The following FHIT variants were observed in gnomAD, a reference collection of about 807,000 sequenced individuals.
FHIT encodes fragile histidine triad diadenosine triphosphatase.
FHIT carries 19 observed loss-of-function variants against 17.9 expected under a neutral mutation model. The observed-to-expected ratio is 1.06, with a 90% confidence interval of 0.74 to 1.56. FHIT has a LOEUF of 1.56. Ranked by LOEUF, FHIT falls within the 40% of genes most tolerant of loss-of-function variation. FHIT has a pLI of 0.00. For synonymous variants in FHIT, 81 were observed against 69.7 expected (o/e 1.16, Z -0.81); for missense variants, 248 against 189.2 (o/e 1.31, Z -1.82).
chr3:60,844,478 C>T (rs1268531393), intron 3 of FHIT, among the ~76,000 whole-genome samples: 4 of 151,988 alleles, frequency 2.6e-5, no homozygotes, highest in African/African-American at 9.7e-5. Flanking sequence ...TAAGACTTCC[C>T]CAGAATGTGA....
chr3:59,939,330 A>G (rs985801876), intron 7 of FHIT, among the ~76,000 whole-genome samples: 3 of 152,144 alleles, frequency 2.0e-5, no homozygotes, highest in African/African-American at 7.2e-5. Flanking sequence ...GACACACTGC[A>G]TCATACCATT....
At chr3:59,845,395 T>TA (rs1701682206) in intron 8 of FHIT, among the ~76,000 whole-genome samples, 1 of 152,126 alleles carries the variant, frequency 6.6e-6, no homozygotes. Flanking sequence ...GTCTTATTTT[T>TA]AAATATAAGT....
chr3:59,812,129 G>C (rs1700428558), intron 8 of FHIT, among the ~76,000 whole-genome samples: 1 of 152,146 alleles, frequency 6.6e-6, no homozygotes, highest in Non-Finnish European at 1.5e-5. Flanking sequence ...CTGGCATCTA[G>C]TGAGCAGAGA....
intron 4 of FHIT, among the ~76,000 whole-genome samples, chr3:60,714,566 G>C (rs2041630310): frequency 6.6e-6 from 1 of 152,170 alleles, no homozygotes; most frequent in African/African-American, 2.4e-5. Context: ...TCCTTAAGCT[G>C]ATAAGCAACT....
intron 4 of FHIT, among the ~76,000 whole-genome samples, chr3:60,633,731 G>A (rs981937706): frequency 3.9e-5 from 6 of 152,160 alleles, no homozygotes; most frequent in Non-Finnish European, 5.9e-5. Context: ...AGCCTCCCCA[G>A]GAACACAGTT....
At chr3:60,950,908 T>C (rs1708857829) in intron 3 of FHIT, among the ~76,000 whole-genome samples, 1 of 152,090 alleles carries the variant, frequency 6.6e-6, no homozygotes, top group Non-Finnish European at 1.5e-5. Flanking sequence ...ATCTTTCCAA[T>C]CTAAACATAA....
At chr3:60,192,553 C>T (rs1467842988) in intron 5 of FHIT, among the ~76,000 whole-genome samples, 1 of 152,152 alleles carries the variant, frequency 6.6e-6, no homozygotes, top group Non-Finnish European at 1.5e-5. Context: ...GAACAATCAA[C>T]ACAGAGATTG....
At chr3:59,934,965 G>C (rs997934472) in intron 7 of FHIT, among the ~76,000 whole-genome samples, 1 of 152,090 alleles carries the variant, frequency 6.6e-6, no homozygotes, top group Admixed American at 6.6e-5. Context: ...ACTGCCTCTA[G>C]AGAAGTTGAC....
intron 1 of FHIT, among the ~76,000 whole-genome samples, chr3:61,204,727 G>A (rs1326289983): frequency 6.6e-6 from 1 of 152,068 alleles, no homozygotes; most frequent in Non-Finnish European, 1.5e-5. Flanking sequence ...ACACACCACG[G>A]AAATAGGAAC....
At chr3:60,772,324 A>C (rs1575504989) in intron 4 of FHIT, among the ~76,000 whole-genome samples, 1 of 2,404 alleles carries the variant, frequency 4.2e-4, no homozygotes, top group African/African-American at 1.3e-3. Flanking sequence ...CTATATATAT[A>C]TATATATATA....
chr3:60,707,119 G>C (rs1001880948), intron 4 of FHIT, among the ~76,000 whole-genome samples: 1 of 152,142 alleles, frequency 6.6e-6, no homozygotes, highest in Admixed American at 6.5e-5. Context: ...GGCATGACTG[G>C]CACCTCTGCG....
At chr3:59,945,403 T>C (rs770482087) in intron 7 of FHIT, among the ~76,000 whole-genome samples, 2 of 152,180 alleles carry the variant, frequency 1.3e-5, no homozygotes, top group Non-Finnish European at 2.9e-5. Context: ...AAATTCCTTA[T>C]AGAGTCTGAA....
chr3:60,552,642 G>A (rs549815519), intron 4 of FHIT, among the ~76,000 whole-genome samples: 7 of 152,066 alleles, frequency 4.6e-5, no homozygotes, highest in South Asian at 2.1e-4. Flanking sequence ...TGCCAACTTG[G>A]TAAGTATTTA....
intron 4 of FHIT, among the ~76,000 whole-genome samples, chr3:60,676,218 T>A (rs2040617888): frequency 6.6e-6 from 1 of 152,218 alleles, no homozygotes; most frequent in African/African-American, 2.4e-5. Context: ...CAAAGTGGTA[T>A]AATTTATTTT....
intron 4 of FHIT, among the ~76,000 whole-genome samples, chr3:60,772,652 A>G (rs9842721): frequency 3.9e-5 from 6 of 151,964 alleles, no homozygotes; most frequent in African/African-American, 9.7e-5. Flanking sequence ...TGAGGGACCA[A>G]CTGAGGGAAG....
chr3:60,103,967 G>A (rs924878716), intron 5 of FHIT, among the ~76,000 whole-genome samples: 3 of 152,098 alleles, frequency 2.0e-5, no homozygotes, highest in African/African-American at 7.2e-5. Context: ...CACTTCTGAA[G>A]CAGAAAGGAA....
At chr3:60,571,203 A>G (rs2856016) in intron 4 of FHIT, among the ~76,000 whole-genome samples, 144,451 of 151,672 alleles carry the variant, frequency 0.95, 68,841 homozygotes, top group East Asian at 1. Flanking sequence ...AGGCTTGGTG[A>G]TGTGCGCCTG....
At chr3:60,026,856 T>G (rs1700759814) in intron 5 of FHIT, among the ~76,000 whole-genome samples, 3 of 152,086 alleles carry the variant, frequency 2.0e-5, no homozygotes. Context: ...CCCAGCACTT[T>G]GGGAGGCCAA....
chr3:61,073,625 C>G (rs1022362956), intron 2 of FHIT, among the ~76,000 whole-genome samples: 2 of 152,184 alleles, frequency 1.3e-5, no homozygotes, highest in African/African-American at 4.8e-5. Context: ...GCAAAGAATT[C>G]GTGAGTATTC....
Sources: allele counts gnomAD v4.1 joint callset (sites outside exome capture counted in the v4.1 genomes callset), GRCh38; gene constraint gnomAD v4.1.1; transcripts MANE v1.5; gene names NCBI Gene and HGNC (gene_info 2026-07-23, HGNC 2026-07-21).